The following EPB41L3 variants were observed in gnomAD, a reference collection of about 807,000 sequenced individuals.
The protein encoded by EPB41L3 is erythrocyte membrane protein band 4.1 like 3.
In EPB41L3, 57 loss-of-function variants were observed where a neutral mutation model predicts 127.1. That is an observed-to-expected ratio of 0.45 (90% CI 0.36 to 0.56). The LOEUF (loss-of-function observed/expected upper bound fraction) is 0.56. EPB41L3 is among the 20% of genes least tolerant of loss of function. The pLI, the probability that EPB41L3 is intolerant of heterozygous loss-of-function variation, is 0.00. For missense variants in EPB41L3, 1,273 were observed against 1,372.2 expected, an observed-to-expected ratio of 0.93 and a Z score of 1.14; for synonymous variants, 572 against 549.5, an observed-to-expected ratio of 1.04 and a Z score of -0.57.
At chr18:5,550,551 C>T (rs1280624452) in intron 3 of EPB41L3, among the ~76,000 whole-genome samples, 1 of 152,144 alleles carries the variant, frequency 6.6e-6, no homozygotes, top group Non-Finnish European at 1.5e-5. Flanking sequence ...GAGATTTCAG[C>T]TCAATAAAAG....
At chr18:5,424,221 T>C (rs1381929677) in intron 10 of EPB41L3, 41 bp downstream of exon 10, 3 of 1,396,452 alleles carry the variant, frequency 2.1e-6, no homozygotes, top group East Asian at 2.4e-5. Context: ...TAAGTGATTA[T>C]AATTATTCCT....
intron 3 of EPB41L3, among the ~76,000 whole-genome samples, chr18:5,453,555 A>C (rs1264081074): frequency 1.3e-5 from 2 of 152,206 alleles, no homozygotes; most frequent in African/African-American, 4.8e-5. Flanking sequence ...GAAAATATGG[A>C]GAGCTACAAT....
intron 3 of EPB41L3, among the ~76,000 whole-genome samples, chr18:5,588,419 T>A (rs1263586802): frequency 1.3e-5 from 2 of 152,008 alleles, no homozygotes; most frequent in African/African-American, 4.8e-5. Context: ...ATACACAAAC[T>A]ACATATACTT....
rs778842474 is a variant in EPB41L3 at position 5,428,309 on chromosome 18, T to C, written c.1065+4A>G. The C allele has an allele frequency of 3.7e-6, 6 of 1,614,120 alleles. No individual in the cohort carries two copies. In the South Asian group the frequency reaches 5.5e-5, roughly 15 times the overall value. ...AACGCACAGGCAAATGTGGGTATAC[T>C]TACCTCTCCCGGCCGGATCTTAATG... On this transcript the variant is annotated splice_donor_region_variant and intron_variant, in intron 9 of 22. Transcript: ENST00000341928.
chr18:5,574,049 T>TACAG (rs1255832725), intron 3 of EPB41L3, among the ~76,000 whole-genome samples: 2 of 152,092 alleles, frequency 1.3e-5, no homozygotes, highest in African/African-American at 4.8e-5. Context: ...CAGCTGGGAC[T>TACAG]ACAGGCACGC....
chr18:5,557,402 G>A (rs1344512720), intron 3 of EPB41L3, among the ~76,000 whole-genome samples: 1 of 151,752 alleles, frequency 6.6e-6, no homozygotes, highest in East Asian at 1.9e-4. Context: ...TTTGTTTTTT[G>A]AGACAGGGTC....
At chr18:5,464,172 C>T (rs191662528) in intron 3 of EPB41L3, among the ~76,000 whole-genome samples, 59 of 152,210 alleles carry the variant, frequency 3.9e-4, no homozygotes, top group South Asian at 1.2e-3. Flanking sequence ...AGAACTATTC[C>T]GGAAATTTAA....
Position 5,560,003 on chromosome 18 carries a change from A to G in EPB41L3, c.-306+52337T>C, listed in dbSNP as rs532862690. 1.1e-4 allele frequency among the ~76,000 whole-genome samples: 16 copies of G among 152,130 alleles called. No homozygotes were observed. The South Asian group carries it at 3.3e-3, about 32-fold the overall frequency. ...TGATTTTTCTTTTCATTGTATTTTG[A>G]TCTTTGGCTCAGTTACTATGACACC... On this transcript the variant is annotated intron_variant, in intron 3 of 21. Transcript: ENST00000545076.
intron 18 of EPB41L3, among the ~76,000 whole-genome samples, chr18:5,396,613 G>T (rs192393110): frequency 1.3e-5 from 2 of 152,226 alleles, no homozygotes; most frequent in East Asian, 1.9e-4. Context: ...CTAATAATGA[G>T]ACATTAACTC....
intron 3 of EPB41L3, among the ~76,000 whole-genome samples, chr18:5,569,231 T>G (rs2094246190): frequency 6.6e-6 from 1 of 152,206 alleles, no homozygotes; most frequent in African/African-American, 2.4e-5. Context: ...TGGCTGCATC[T>G]TAAAGAGGTG....
chr18:5,480,048 T>C (rs142010382), intron 2 of EPB41L3: 10 of 151,752 alleles, frequency 6.6e-5, no homozygotes, highest in Non-Finnish European at 1.3e-4. Flanking sequence ...AAGCTATTAA[T>C]ACATTTTTAT....
intron 3 of EPB41L3, among the ~76,000 whole-genome samples, chr18:5,604,613 C>G (rs973504758): frequency 2.0e-5 from 3 of 152,016 alleles, no homozygotes; most frequent in African/African-American, 7.2e-5. Flanking sequence ...ACCACTATTC[C>G]CAGATAATTT....
Position 5,443,052 on chromosome 18 carries a change from T to C in EPB41L3, c.529+786A>G, listed in dbSNP as rs529444150. 3.3e-5 allele frequency among the ~76,000 whole-genome samples: 5 copies of C among 152,298 alleles called. No individual in the cohort carries two copies. The South Asian group carries it at 1.0e-3, about 32-fold the overall frequency. On this transcript the variant is annotated intron_variant, in intron 5 of 22. Transcript: ENST00000341928. ...GCTTCTAGTTTTCTGCTACTGTAAA[T>C]AGTAATATAATGAAACTTCATTTGC...
At chr18:5,600,072 T>A (rs1367260760) in intron 3 of EPB41L3, among the ~76,000 whole-genome samples, 1 of 152,184 alleles carries the variant, frequency 6.6e-6, no homozygotes. Flanking sequence ...AAGGCTGGAT[T>A]CAATATAAAA....
intron 3 of EPB41L3, among the ~76,000 whole-genome samples, chr18:5,601,738 T>C (rs1419499946): frequency 1.3e-5 from 2 of 152,206 alleles, no homozygotes; most frequent in Non-Finnish European, 2.9e-5. Context: ...GGTATTTACA[T>C]CTGTTACACT....
chr18:5,613,407 G>A (rs189263733), intron 2 of EPB41L3, among the ~76,000 whole-genome samples: 10 of 152,286 alleles, frequency 6.6e-5, no homozygotes, highest in Non-Finnish European at 1.0e-4. Context: ...CTCAGGAGAC[G>A]AGGAATGTCC....
At chr18:5,520,037 T>C (rs1194783230) in intron 1 of EPB41L3, among the ~76,000 whole-genome samples, 1 of 152,196 alleles carries the variant, frequency 6.6e-6, no homozygotes, top group African/African-American at 2.4e-5. Flanking sequence ...GGTTCTCTGC[T>C]ACACTTCCAG....
At chr18:5,438,188 C>G in intron 5 of EPB41L3, 78 bp from the exon 6 acceptor site, 1 of 1,364,204 alleles carries the variant, frequency 7.3e-7, no homozygotes, top group Non-Finnish European at 1.0e-6. Context: ...ACTGCCTTAA[C>G]TCCAAGCATT....
intron 1 of EPB41L3, among the ~76,000 whole-genome samples, chr18:5,512,721 T>G (rs2092586352): frequency 6.6e-6 from 1 of 152,150 alleles, no homozygotes; most frequent in Admixed American, 6.5e-5. Flanking sequence ...AGAGGAGTTT[T>G]GGAAGGCAGG....
Sources: allele counts gnomAD v4.1 joint callset (sites outside exome capture counted in the v4.1 genomes callset), GRCh38; gene constraint gnomAD v4.1.1; transcripts MANE v1.5; gene names NCBI Gene and HGNC (gene_info 2026-07-23, HGNC 2026-07-21).